ZNF138: variants seen among roughly 807,000 people sequenced by gnomAD.
ZNF138 encodes zinc finger protein 138.
Under a neutral mutation model 33.0 loss-of-function variants are expected in ZNF138, and 33 were observed. That is an observed-to-expected ratio of 1.00 (90% CI 0.76 to 1.34). The LOEUF (loss-of-function observed/expected upper bound fraction) is 1.34, where lower values mean the gene tolerates loss of function less well. Ranked by LOEUF, ZNF138 falls within the 40% of genes most tolerant of loss-of-function variation. The pLI, the probability that ZNF138 is intolerant of heterozygous loss-of-function variation, is 0.00. For synonymous variants in ZNF138, 139 were observed against 120.4 expected (o/e 1.15, Z -1.01); for missense variants, 360 against 370.8 (o/e 0.97, Z 0.24).
At chr7:64,829,382 T>C (rs1671161499) in intron 3 of ZNF138, among the ~76,000 whole-genome samples, 1 of 151,236 alleles carries the variant, frequency 6.6e-6, no homozygotes, top group Admixed American at 6.6e-5. Context: ...TAATGTGAGA[T>C]ACACAAACTC....
Position 64,832,567 on chromosome 7 carries a change from G to A in ZNF138, c.*365G>A. On this transcript the variant is annotated 3_prime_UTR_variant, in exon 4 of 4. Coordinates refer to ENST00000307355, the MANE Select transcript of ZNF138 (RefSeq NM_001271639.2). ...CTTATTACACATAAGATAATTCACA[G>A]TGGAGAAAAACCCTACAAATGTGAA... is the stretch of plus-strand genomic sequence containing the variant. 7.3e-6 allele frequency: 4 copies of A among 551,272 alleles called. No homozygotes were observed. Among genetic ancestry groups the A allele is most frequent in the South Asian group, 7.0e-5 (4 of 57,028 alleles). The allele number at this position is 551,272 out of a possible 1,614,324, so 34.1% of individuals were successfully genotyped here.
At chr7:64,805,249 A>T (rs1249491374) in intron 1 of ZNF138, among the ~76,000 whole-genome samples, 1 of 152,122 alleles carries the variant, frequency 6.6e-6, no homozygotes, top group Non-Finnish European at 1.5e-5. Flanking sequence ...ATACAAAAAA[A>T]TTAGCTGGGC....
In ZNF138 at chr7:64,831,517, T is replaced by A; in HGVS notation, c.275T>A (p.Val92Glu). 1.2e-6 allele frequency: 2 copies of A among 1,608,380 alleles called. No homozygotes were observed. The highest frequency in any genetic ancestry group is 1.7e-6 in the Non-Finnish European group (2 of 1,178,470). ...EQNIKDSFQK[V>E]TLSRYGKYGH... ...AACATAAAAGATTCTTTCCAAAAAG[T>A]GACACTGAGCAGATATGGAAAATAT... The change falls in exon 4 of 4, where the codon GTG becomes GAG. Residue 92 changes from valine (V) to glutamate (E), a missense_variant. Transcript: ENST00000307355.
the ZNF138 span, among the ~76,000 whole-genome samples, chr7:64,854,340 G>A: frequency 2.6e-5 from 4 of 152,150 alleles, no homozygotes; most frequent in South Asian, 2.1e-4. Flanking sequence ...TCCCAGGTTC[G>A]ACTGATTGTC....
rs777500952 is a variant in ZNF138, at chr7:64,831,646, C to G, written c.404C>G (p.Thr135Arg). The change falls in exon 4 of 4, where the codon ACA (threonine) becomes AGA (arginine). Residue 135 changes from threonine (T) to arginine (R), a missense_variant. Thr to Arg is a moderately conservative substitution (Grantham distance 71). Transcript: ENST00000307355. ...NGLNQCLKITTSKIFQCNKYV... is the reference protein window; with the variant it reads ...NGLNQCLKITRSKIFQCNKYV... ...CTTAACCAATGTTTGAAAATTACCA[C>G]AAGCAAAATATTTCAATGTAATAAA... is the stretch of plus-strand genomic sequence containing the variant. 3.7e-6 allele frequency: 6 copies of G among 1,608,246 alleles called. No homozygotes were observed.
chr7:64,798,529 C>G (rs867784371), intron 1 of ZNF138, among the ~76,000 whole-genome samples: 1 of 152,186 alleles, frequency 6.6e-6, no homozygotes, highest in Non-Finnish European at 1.5e-5. Flanking sequence ...TGGTGGCTTA[C>G]GCCTGTAATC....
the ZNF138 span, among the ~76,000 whole-genome samples, chr7:64,860,447 CTG>C: frequency 1.3e-5 from 2 of 152,168 alleles, no homozygotes; most frequent in African/African-American, 4.8e-5. Context: ...TCCCCAGCCT[CTG>C]TTACGTTTTT....
At chr7:64,809,596 A>AC (rs1203119019) in intron 1 of ZNF138, among the ~76,000 whole-genome samples, 3 of 121,784 alleles carry the variant, frequency 2.5e-5, no homozygotes, top group Admixed American at 1.6e-4. Flanking sequence ...CGGGGGGCTG[A>AC]CCCCCCCCAC....
chr7:64,845,615 A>ATTCT, the ZNF138 span, among the ~76,000 whole-genome samples: 1 of 152,176 alleles, frequency 6.6e-6, no homozygotes, highest in Non-Finnish European at 1.5e-5. Context: ...GATTATGGCA[A>ATTCT]TTCTTGTGGG....
chr7:64,826,678 GT>G (rs755967509), intron 3 of ZNF138, among the ~76,000 whole-genome samples: 10 of 150,254 alleles, frequency 6.7e-5, no homozygotes, highest in Non-Finnish European at 1.0e-4. Flanking sequence ...TCTTCACAGA[GT>G]TTCATTGCAC....
chr7:64,797,358 G>A (rs569668184), intron 1 of ZNF138, among the ~76,000 whole-genome samples: 16 of 152,230 alleles, frequency 1.1e-4, no homozygotes, highest in African/African-American at 2.4e-4. Flanking sequence ...GATATGTGAC[G>A]TAAGTGCTTT....
Position 64,822,461 on chromosome 7 carries a change from T to A in ZNF138, c.208+6808T>A, listed in dbSNP as rs1009567892. Among the ~76,000 whole-genome samples, 16 of 151,566 alleles carry A rather than the reference T, an allele frequency of 1.1e-4. 1 individual carries two copies. The highest frequency in any genetic ancestry group is 3.9e-4 in the African/African-American group (16 of 40,882). On this transcript the variant is annotated intron_variant, in intron 3 of 3. Transcript: ENST00000307355. ...GGTCTAAACATTTTTTTTAAAAAAATATTTTTTGTATGTGGTTCGAGAAAA... is the reference window on the plus strand; with the variant it reads ...GGTCTAAACATTTTTTTTAAAAAAAAATTTTTTGTATGTGGTTCGAGAAAA...
At chr7:64,834,105 C>T (rs1234164596), downstream of ZNF138, among the ~76,000 whole-genome samples, 1 of 152,044 alleles carries the variant, frequency 6.6e-6, no homozygotes, top group Non-Finnish European at 1.5e-5. Flanking sequence ...GTAGTGCCTG[C>T]CTTACTTGTA....
At chr7:64,834,433 T>TA (rs1219522413), downstream of ZNF138, among the ~76,000 whole-genome samples, 4 of 152,366 alleles carry the variant, frequency 2.6e-5, no homozygotes, top group African/African-American at 9.6e-5. Flanking sequence ...AGTGGGTAGA[T>TA]AAATTATTTG....
chr7:64,832,598 T>A lies in ZNF138; in HGVS notation c.*396T>A. 1.9e-6 allele frequency: 1 copy of A among 515,376 alleles called. No individual in the cohort carries two copies. Among genetic ancestry groups the A allele is most frequent in the South Asian group, 1.6e-5 (1 of 60,700 alleles). 31.9% of individuals were successfully genotyped at this position (515,376 alleles called of 1,614,324 possible). On this transcript the variant is annotated 3_prime_UTR_variant, in exon 4 of 4. Coordinates refer to ENST00000307355, the MANE Select transcript of ZNF138 (RefSeq NM_001271639.2). ...AAAAACCCTACAAATGTGAAGAATG[T>A]GGCAAAGCTTTTAACCAGTCCTCAC...
intron 3 of ZNF138, chr7:64,831,119 G>C (rs764930190): frequency 1.2e-5 from 18 of 1,551,122 alleles, no homozygotes; most frequent in Non-Finnish European, 1.6e-5. Context: ...AAGAAACCAA[G>C]AGTTGGCAGT....
intron 3 of ZNF138, among the ~76,000 whole-genome samples, chr7:64,827,571 CT>C (rs1789743421): frequency 6.6e-6 from 1 of 152,048 alleles, no homozygotes; most frequent in South Asian, 2.1e-4. Flanking sequence ...ACATCCTCAC[CT>C]TTTATCTTGG....
At chr7:64,833,883 C>A (rs1043536093), downstream of ZNF138, among the ~76,000 whole-genome samples, 9 of 152,086 alleles carry the variant, frequency 5.9e-5, no homozygotes, top group African/African-American at 2.2e-4. Flanking sequence ...TACCATCACG[C>A]CCGGCTAAGT....
chr7:64,838,930 G>A, the ZNF138 span, among the ~76,000 whole-genome samples: 1 of 152,102 alleles, frequency 6.6e-6, no homozygotes, highest in African/African-American at 2.4e-5. Flanking sequence ...GATGGCAGTG[G>A]TGCAGAAGGA....
Sources: gnomAD v4.1 joint callset for allele counts (sites outside exome capture counted in the v4.1 genomes callset) on GRCh38, gnomAD v4.1.1 for gene constraint, MANE v1.5 for transcripts, NCBI Gene and HGNC (gene_info 2026-07-23, HGNC 2026-07-21) for gene names.